The following DST variants were observed in gnomAD, a reference collection of about 807,000 sequenced individuals.
DST encodes dystonin.
In DST, 253 loss-of-function variants were observed where a neutral mutation model predicts 875.2. The ratio of observed to expected loss-of-function variants is 0.29; its 90% CI spans 0.26 to 0.32. The LOEUF (loss-of-function observed/expected upper bound fraction) is 0.32. Among genes scored for constraint, DST ranks in the 10% least tolerant of loss-of-function variants. DST has a pLI of 1.00. For missense variants in DST, 8,287 were observed against 9,111.6 expected (o/e 0.91, Z 3.68); for synonymous variants, 3,124 against 3,197.1 (o/e 0.98, Z 0.77).
intron 57 of DST, among the ~76,000 whole-genome samples, chr6:56,560,660 C>G (rs2152565867): frequency 6.6e-6 from 1 of 152,200 alleles, no homozygotes; most frequent in East Asian, 1.9e-4. Context: ...GATAATGACT[C>G]TTGTCCCCAT....
chr6:56,574,276 C>T (rs1456610314), intron 50 of DST, among the ~76,000 whole-genome samples: 3 of 151,882 alleles, frequency 2.0e-5, no homozygotes, highest in Non-Finnish European at 2.9e-5. Flanking sequence ...AAATTACTTT[C>T]GGAGGAAAAA....
chr6:56,848,660 G>A (rs1359840728), intron 4 of DST, among the ~76,000 whole-genome samples: 2 of 152,090 alleles, frequency 1.3e-5, no homozygotes, highest in Admixed American at 1.3e-4. Context: ...TTTATGGACT[G>A]GCCCCCCAAG....
intron 9 of DST, among the ~76,000 whole-genome samples, chr6:56,697,143 A>C (rs1349836740): frequency 1.3e-5 from 2 of 152,170 alleles, no homozygotes; most frequent in East Asian, 3.9e-4. Context: ...GTCTCTCAGT[A>C]GTCTACTGTT....
chr6:56,826,874 C>T (rs1470412839), intron 4 of DST, among the ~76,000 whole-genome samples: 2 of 152,162 alleles, frequency 1.3e-5, no homozygotes, highest in Non-Finnish European at 2.9e-5. Context: ...CATCCTTTCT[C>T]CAAAGACAGT....
In DST at chr6:56,714,872, G is replaced by A. The variant is rs1047357580; in HGVS notation, c.688-10503C>T. Among the ~76,000 whole-genome samples the A allele has an allele frequency of 2.0e-5, 3 of 152,086 alleles. No individual in the cohort carries two copies. The highest frequency in any genetic ancestry group is 4.4e-5 in the Non-Finnish European group (3 of 68,002). On this transcript the variant is annotated intron_variant, in intron 5 of 103. Coordinates refer to ENST00000680361, the MANE Select transcript of DST (RefSeq NM_001374736.1). The surrounding 1 kb of genome is among the most constrained non-coding windows in gnomAD (Gnocchi z 4.5). ...TTCTAACGTCATCCAGGCAGTGATGGTTTCCTTCTTCTGCACTCCCATATT... is the reference window on the plus strand; with the variant it reads ...TTCTAACGTCATCCAGGCAGTGATGATTTCCTTCTTCTGCACTCCCATATT...
chr6:56,698,277 T>A (rs1337147023), intron 9 of DST, among the ~76,000 whole-genome samples: 2 of 152,044 alleles, frequency 1.3e-5, no homozygotes, highest in East Asian at 3.9e-4. Flanking sequence ...GGTACATTAT[T>A]CTCCACCATT....
At chr6:56,590,865 C>T (rs2098260247) in intron 49 of DST, among the ~76,000 whole-genome samples, 1 of 152,200 alleles carries the variant, frequency 6.6e-6, no homozygotes, top group East Asian at 1.9e-4. Flanking sequence ...TGATATTAAC[C>T]TGCCACATTT....
At chr6:56,635,824 G>A in intron 23 of DST, 110 bp from the exon 24 acceptor site, 1 of 1,158,390 alleles carries the variant, frequency 8.6e-7, no homozygotes, top group Non-Finnish European at 1.3e-6. Flanking sequence ...AGTGAGAAGA[G>A]AATAAAAGCA....
chr6:56,946,792 G>C (rs1372340208), intron 2 of DST, among the ~76,000 whole-genome samples: 1 of 152,094 alleles, frequency 6.6e-6, no homozygotes, highest in Non-Finnish European at 1.5e-5. Context: ...TTTCATAGGA[G>C]GGTAAACATT....
chr6:56,934,611 GGA>G (rs1298475622), intron 2 of DST, among the ~76,000 whole-genome samples: 44 of 129,010 alleles, frequency 3.4e-4, no homozygotes, highest in Non-Finnish European at 5.6e-4. Context: ...GAGAAGGAGG[GGA>G]GAGAGAGAGA....
intron 4 of DST, among the ~76,000 whole-genome samples, chr6:56,848,643 A>T (rs1763292384): frequency 6.6e-6 from 1 of 152,178 alleles, no homozygotes; most frequent in Non-Finnish European, 1.5e-5. Flanking sequence ...TATAAGTTAA[A>T]CAGATATTTA....
At chr6:56,909,542 A>G (rs1797928958) in intron 2 of DST, among the ~76,000 whole-genome samples, 1 of 152,122 alleles carries the variant, frequency 6.6e-6, no homozygotes, top group African/African-American at 2.4e-5. Context: ...TAAACAACAA[A>G]CAGATTTGTA....
chr6:56,772,740 A>T (rs547520548), intron 4 of DST, among the ~76,000 whole-genome samples: 1 of 152,118 alleles, frequency 6.6e-6, no homozygotes, highest in Non-Finnish European at 1.5e-5. Flanking sequence ...TGCTGCCACA[A>T]ATATTTTGGT....
At position 56,661,494 on chromosome 6, in the gene DST, G is replaced by T. The variant is rs527899221; in HGVS notation, c.1214+9147C>A. 6.4e-4 allele frequency among the ~76,000 whole-genome samples: 98 copies of T among 152,252 alleles called. 1 individual carries two copies. The highest frequency in any genetic ancestry group is 2.2e-3 in the African/African-American group (92 of 41,562). On this transcript the variant is annotated intron_variant, in intron 10 of 103. Transcript: ENST00000680361. ...TTAGTGGATCAGTGGCAGCATGCGG[G>T]GGGAGGGGAAACTCATGTTGATTAC... is the stretch of plus-strand genomic sequence containing the variant.
In DST at chr6:56,927,841, G is replaced by T. The variant is rs559597164; in HGVS notation, c.216+25944C>A. Among the ~76,000 whole-genome samples the T allele has an allele frequency of 2.0e-5, 3 of 152,264 alleles. No individual in the cohort carries two copies. The East Asian group carries it at 5.8e-4, about 29-fold the overall frequency. On this transcript the variant is annotated intron_variant, in intron 2 of 103. Transcript: ENST00000680361. ...GAGAATTGTTTAAACAGGTACTAGAGGACTAGAACAGCAAAACTAGGACAC... is the reference window on the plus strand; with the variant it reads ...GAGAATTGTTTAAACAGGTACTAGATGACTAGAACAGCAAAACTAGGACAC...
At chr6:56,843,597 C>T (rs1591562048) in intron 4 of DST, 1 of 983,694 alleles carries the variant, frequency 1.0e-6, no homozygotes, top group East Asian at 1.1e-4. Context: ...GGCAGCGGTG[C>T]GGGAGGACCG....
chr6:56,822,340 A>G (rs150692497), intron 4 of DST, among the ~76,000 whole-genome samples: 5 of 152,170 alleles, frequency 3.3e-5, no homozygotes, highest in Admixed American at 1.3e-4. Context: ...TGGTACAGGA[A>G]GAAGAAACCA....
chr6:56,591,981 CAA>C (rs34682914), intron 49 of DST, among the ~76,000 whole-genome samples, 199 bp downstream of exon 49: 21 of 63,920 alleles, frequency 3.3e-4, no homozygotes, highest in Admixed American at 5.8e-4. Flanking sequence ...GACTCCATCT[CAA>C]AAAAAAAAAA....
At chr6:56,492,894 G>A in intron 84 of DST, 40 bp downstream of exon 84, 1 of 1,369,308 alleles carries the variant, frequency 7.3e-7, no homozygotes. Flanking sequence ...AAAGCCTGGT[G>A]TCTGAAAAGA....
Sources: allele counts gnomAD v4.1 joint callset (sites outside exome capture counted in the v4.1 genomes callset), GRCh38; gene constraint gnomAD v4.1.1; non-coding constraint Gnocchi (gnomAD v3.1); transcripts MANE v1.5; gene names NCBI Gene and HGNC (gene_info 2026-07-23, HGNC 2026-07-21).